The following GALNT7 variants were observed in gnomAD, a reference collection of about 807,000 sequenced individuals.
The protein encoded by GALNT7 is N-acetylgalactosaminyltransferase 7.
Under a neutral mutation model 82.1 loss-of-function variants are expected in GALNT7, and 60 were observed. The observed-to-expected ratio is 0.73, with a 90% confidence interval of 0.59 to 0.91. GALNT7 has a LOEUF of 0.91. GALNT7 is among the 40% of genes least tolerant of loss of function. The probability of loss-of-function intolerance (pLI) is 0.00; values close to 1 mark genes in which losing one functional copy is unlikely to be tolerated. For missense variants in GALNT7, 660 were observed against 804.2 expected, an observed-to-expected ratio of 0.82 and a Z score of 2.17; for synonymous variants, 243 against 275.1, an observed-to-expected ratio of 0.88 and a Z score of 1.15.
At chr4:173,178,161 A>C (rs1340249783) in intron 1 of GALNT7, among the ~76,000 whole-genome samples, 1 of 152,056 alleles carries the variant, frequency 6.6e-6, no homozygotes, top group African/African-American at 2.4e-5. Flanking sequence ...TTTTTTACTC[A>C]TGTCTGAAAT....
At chr4:173,242,190 C>T (rs1180438445) in intron 1 of GALNT7, among the ~76,000 whole-genome samples, 1 of 152,078 alleles carries the variant, frequency 6.6e-6, no homozygotes, top group African/African-American at 2.4e-5. Flanking sequence ...ATATCTTGGC[C>T]TGATACTTAA....
At chr4:173,188,495 T>C (rs1023120155) in intron 1 of GALNT7, among the ~76,000 whole-genome samples, 1 of 152,240 alleles carries the variant, frequency 6.6e-6, no homozygotes, top group South Asian at 2.1e-4. Flanking sequence ...AAAAGTACTA[T>C]AGAAAAGAAA....
intron 2 of GALNT7, 50 bp downstream of exon 2, chr4:173,248,490 T>C (rs1734742162): frequency 1.8e-6 from 2 of 1,086,608 alleles, no homozygotes; most frequent in Non-Finnish European, 2.7e-6. Context: ...GTTGTTTTCA[T>C]AGGTTTTTAG....
chr4:173,311,487 G>A (rs903554410), intron 8 of GALNT7, among the ~76,000 whole-genome samples: 3 of 152,208 alleles, frequency 2.0e-5, no homozygotes, highest in African/African-American at 7.2e-5. Flanking sequence ...TTCTAAGAAA[G>A]CTCAGGAAGC....
rs570956274 is a variant in GALNT7 at position 173,172,583 on chromosome 4, G to A, written c.126+3622G>A. Among the ~76,000 whole-genome samples the A allele has an allele frequency of 2.0e-5, 3 of 152,242 alleles. No homozygotes were observed. The South Asian group carries it at 6.2e-4, about 32-fold the overall frequency. ...ACGGCCTGACCATCACCTGATGGCCGCCTGACATTCCTGGTGGTGGGGGGC... is the reference window on the plus strand; with the variant it reads ...ACGGCCTGACCATCACCTGATGGCCACCTGACATTCCTGGTGGTGGGGGGC... On this transcript the variant is annotated intron_variant, in intron 1 of 11. Coordinates refer to ENST00000265000, the MANE Select transcript of GALNT7 (RefSeq NM_017423.3).
chr4:173,238,131 C>A (rs1444208923), intron 1 of GALNT7, among the ~76,000 whole-genome samples: 1 of 152,134 alleles, frequency 6.6e-6, no homozygotes, highest in East Asian at 1.9e-4. Flanking sequence ...TATATGCATA[C>A]ATAAATTATT....
intron 2 of GALNT7, among the ~76,000 whole-genome samples, chr4:173,261,120 A>G (rs1735240473): frequency 6.6e-6 from 1 of 152,204 alleles, no homozygotes; most frequent in Admixed American, 6.5e-5. Flanking sequence ...ATTTATTCAT[A>G]TAATTTGCAA....
chr4:173,178,263 T>C (rs1261319133), intron 1 of GALNT7, among the ~76,000 whole-genome samples: 1 of 152,094 alleles, frequency 6.6e-6, no homozygotes, highest in Non-Finnish European at 1.5e-5. Context: ...CAATTTTTAG[T>C]TTTTAGTACA....
At chr4:173,299,841 G>C (rs1736853664) in intron 6 of GALNT7, among the ~76,000 whole-genome samples, 1 of 150,036 alleles carries the variant, frequency 6.7e-6, no homozygotes, top group African/African-American at 2.5e-5. Context: ...GTAAGACTTG[G>C]TCTCAAAAAC....
rs1374265828 is a variant in GALNT7, at chr4:173,292,767, C to T, written c.754+493C>T. 6.6e-6 allele frequency among the ~76,000 whole-genome samples: 1 copy of T among 152,140 alleles called. No homozygotes were observed. Among genetic ancestry groups the T allele is most frequent in the Non-Finnish European group, 1.5e-5 (1 of 68,012 alleles). The stretch of plus-strand genomic sequence containing the variant: ...TAGAAATATGGCCTATTTTTCCTTT[C>T]ATCTCTGTGCAGCTGATCCTTTTAT... On this transcript the variant is annotated intron_variant, in intron 3 of 11. Transcript: ENST00000265000. The surrounding 1 kb of genome is among the most constrained non-coding windows in gnomAD (Gnocchi z 4.8).
Position 173,302,323 on chromosome 4 carries a change from G to GA in GALNT7, c.1266+165dup, listed in dbSNP as rs1736973175. On this transcript the variant is annotated intron_variant, in intron 7 of 11. Coordinates refer to ENST00000265000, the MANE Select transcript of GALNT7 (RefSeq NM_017423.3). The surrounding 1 kb of genome is among the most constrained non-coding windows in gnomAD (Gnocchi z 4.2). ...TTTAATGAAAATGGATGCCTTTGAG[G>GA]AAAAAATAAGGCAAAATGCAAGCTC... 6.6e-6 allele frequency among the ~76,000 whole-genome samples: 1 copy of GA among 152,092 alleles called. No individual in the cohort carries two copies. The highest frequency in any genetic ancestry group is 6.5e-5 in the Admixed American group (1 of 15,276).
intron 2 of GALNT7, among the ~76,000 whole-genome samples, chr4:173,278,083 G>A (rs1047024736): frequency 7.2e-5 from 11 of 152,186 alleles, no homozygotes; most frequent in African/African-American, 2.7e-4. Context: ...TTGGAAACTT[G>A]TCACTGATAC....
chr4:173,304,219 C>T (rs1329888319), intron 8 of GALNT7, 101 bp downstream of exon 8: 2 of 908,366 alleles, frequency 2.2e-6, no homozygotes, highest in South Asian at 1.7e-5. Context: ...GTGGGCTCTT[C>T]AGCAGTCATG....
At chr4:173,225,953 C>T (rs771062619) in intron 1 of GALNT7, among the ~76,000 whole-genome samples, 3 of 152,120 alleles carry the variant, frequency 2.0e-5, no homozygotes, top group Non-Finnish European at 2.9e-5. Flanking sequence ...CAAAGTCCTT[C>T]CAATTTGGAG....
chr4:173,270,364 G>GA (rs370909403), intron 2 of GALNT7, among the ~76,000 whole-genome samples: 40 of 150,136 alleles, frequency 2.7e-4, no homozygotes, highest in African/African-American at 7.8e-4. Flanking sequence ...TTTGAAGATT[G>GA]AAAAAAAAAT....
chr4:173,208,788 A>G (rs971054129), intron 1 of GALNT7, among the ~76,000 whole-genome samples: 1 of 152,200 alleles, frequency 6.6e-6, no homozygotes, highest in African/African-American at 2.4e-5. Context: ...CTTGAGCTGA[A>G]CATTGCAGTG....
At chr4:173,178,080 T>C (rs1732129300) in intron 1 of GALNT7, among the ~76,000 whole-genome samples, 1 of 148,626 alleles carries the variant, frequency 6.7e-6, no homozygotes, top group Non-Finnish European at 1.5e-5. Context: ...CACAGACACC[T>C]ATGTATATAT....
intron 1 of GALNT7, among the ~76,000 whole-genome samples, chr4:173,234,846 C>T (rs1734160263): frequency 6.6e-6 from 1 of 152,180 alleles, no homozygotes; most frequent in South Asian, 2.1e-4. Context: ...CTCCTTCTCT[C>T]TGTATCTTGC....
rs973814108 is a variant in GALNT7 at position 173,302,487 on chromosome 4, C to T, written c.1266+323C>T. On this transcript the variant is annotated intron_variant, in intron 7 of 11. Coordinates refer to ENST00000265000, the MANE Select transcript of GALNT7 (RefSeq NM_017423.3). This position sits in a 1 kb window ranked among gnomAD's most constrained non-coding sequence, Gnocchi z 4.2. The stretch of plus-strand genomic sequence containing the variant: ...AGAAGCCCTTGGAAGAATCTGCATG[C>T]GTTAGGGCCACAATTGACCACCCAC... 1.3e-5 allele frequency among the ~76,000 whole-genome samples: 2 copies of T among 152,156 alleles called. No individual in the cohort carries two copies.
Sources: allele counts gnomAD v4.1 joint callset (sites outside exome capture counted in the v4.1 genomes callset), GRCh38; gene constraint gnomAD v4.1.1; non-coding constraint Gnocchi (gnomAD v3.1); transcripts MANE v1.5; gene names NCBI Gene and HGNC (gene_info 2026-07-23, HGNC 2026-07-21).